TLE4: variants seen among roughly 807,000 people sequenced by gnomAD.
TLE4 encodes TLE family member 4, transcriptional corepressor, also known as transducin-like enhancer protein 4.
TLE4 carries 8 observed loss-of-function variants against 92.8 expected under a neutral mutation model. The ratio of observed to expected loss-of-function variants is 0.09; its 90% confidence interval spans 0.05 to 0.16. The LOEUF is 0.16. Ranked by LOEUF, TLE4 falls within the 10% of genes least tolerant of loss-of-function variation. TLE4 has a pLI of 1.00. For missense variants in TLE4, 675 were observed against 997.6 expected (o/e 0.68, Z 4.36); for synonymous variants, 371 against 374.1 (o/e 0.99, Z 0.10).
intron 16 of TLE4, 74 bp downstream of exon 16, chr9:79,720,367 T>C: frequency 6.6e-7 from 1 of 1,524,178 alleles, no homozygotes; most frequent in Middle Eastern, 2.4e-4. Context: ...GTGCTGTGTA[T>C]ATAGGTATGG....
intron 4 of TLE4, among the ~76,000 whole-genome samples, chr9:79,608,166 A>C (rs2047537345): frequency 2.0e-5 from 3 of 152,036 alleles, no homozygotes; most frequent in Non-Finnish European, 4.4e-5. Flanking sequence ...CACTTTTGTA[A>C]AATTGATTTT....
At chr9:79,656,319 G>A (rs2059775261) in intron 8 of TLE4, among the ~76,000 whole-genome samples, 2 of 152,170 alleles carry the variant, frequency 1.3e-5, no homozygotes, top group African/African-American at 4.8e-5. Flanking sequence ...GAGCGTGCCA[G>A]TTGCCTGCAG....
chr9:79,694,559 C>T (rs569273648), intron 8 of TLE4, among the ~76,000 whole-genome samples: 2 of 152,180 alleles, frequency 1.3e-5, no homozygotes, highest in African/African-American at 4.8e-5. Flanking sequence ...CATTTATTTT[C>T]ATTCCTCAGC....
At chr9:79,712,653 G>A (rs963743846) in intron 14 of TLE4, among the ~76,000 whole-genome samples, 1 of 152,164 alleles carries the variant, frequency 6.6e-6, no homozygotes, top group African/African-American at 2.4e-5. Flanking sequence ...TTAATAAAAT[G>A]GTGTTTATTG....
At chr9:79,667,007 CA>C (rs1460208245) in intron 8 of TLE4, among the ~76,000 whole-genome samples, 2 of 152,230 alleles carry the variant, frequency 1.3e-5, no homozygotes, top group African/African-American at 4.8e-5. Flanking sequence ...CTTTGGAGTT[CA>C]TTGCTTTAAC....
chr9:79,676,624 A>T (rs1174194348), intron 8 of TLE4, among the ~76,000 whole-genome samples: 1 of 152,110 alleles, frequency 6.6e-6, no homozygotes, highest in East Asian at 1.9e-4. Context: ...GTGGAAAGAG[A>T]GAAAAGCCAA....
intron 4 of TLE4, among the ~76,000 whole-genome samples, chr9:79,585,180 T>C (rs2040746761): frequency 6.6e-6 from 1 of 152,228 alleles, no homozygotes; most frequent in Non-Finnish European, 1.5e-5. Flanking sequence ...ATCATAACAG[T>C]AAGCAATTTT....
intron 6 of TLE4, among the ~76,000 whole-genome samples, chr9:79,629,009 A>T (rs574973069): frequency 6.6e-6 from 1 of 151,936 alleles, no homozygotes; most frequent in Non-Finnish European, 1.5e-5. Flanking sequence ...AGGGGTCAGA[A>T]GGGATAGAAC....
rs1285726117 is a variant in TLE4 at position 79,725,174 on chromosome 9, C to T, written c.*30C>T. ...AAATCTTCATGCAGACTGGACTTCT[C>T]CTCCTGGTAGCACTTTGCTCTGTCA... On this transcript the variant is annotated 3_prime_UTR_variant, in exon 20 of 20. Transcript: ENST00000376552. 3 of 1,520,792 alleles carry T rather than the reference C, an allele frequency of 2.0e-6. No individual in the cohort carries two copies. The highest frequency in any genetic ancestry group is 2.3e-5 in the East Asian group (1 of 44,320). 94.2% of individuals were successfully genotyped at this position (1,520,792 alleles called of 1,614,324 possible).
intron 8 of TLE4, among the ~76,000 whole-genome samples, chr9:79,671,980 C>A: frequency 7.8e-6 from 1 of 127,392 alleles, no homozygotes; most frequent in Non-Finnish European, 1.6e-5. Flanking sequence ...CTTTTTAGGC[C>A]ATTGAAACAA....
Position 79,711,699 on chromosome 9 carries a change from G to A in TLE4, c.1340+2000G>A, listed in dbSNP as rs144185359. ...GTTAAACCACTGTGGAATCACAGCT[G>A]CTCTGACTCAGATGGTGCTTCTGAG... On this transcript the variant is annotated intron_variant, in intron 14 of 19. Transcript: ENST00000376552. Among the ~76,000 whole-genome samples the A allele has an allele frequency of 3.2e-4, 48 of 152,314 alleles. 2 individuals carry two copies. The East Asian group carries it at 7.1e-3, about 23-fold the overall frequency.
chr9:79,623,733 T>A (rs1268178734), intron 5 of TLE4, among the ~76,000 whole-genome samples: 1 of 148,490 alleles, frequency 6.7e-6, no homozygotes, highest in Admixed American at 6.8e-5. Flanking sequence ...TTTTTTAAAA[T>A]TGTAAAGTAC....
chr9:79,692,330 A>G (rs2067248215), intron 8 of TLE4, among the ~76,000 whole-genome samples: 2 of 152,182 alleles, frequency 1.3e-5, no homozygotes, highest in African/African-American at 4.8e-5. Flanking sequence ...ACTGTGGAGA[A>G]GTGGAGTGGC....
intron 8 of TLE4, among the ~76,000 whole-genome samples, chr9:79,704,173 G>GC (rs1439091787): frequency 1.3e-4 from 20 of 152,142 alleles, no homozygotes; most frequent in Non-Finnish European, 2.4e-4. Flanking sequence ...GAATGCAGTG[G>GC]CGCCATCTTG....
chr9:79,701,196 T>C (rs2069756622), intron 8 of TLE4, among the ~76,000 whole-genome samples: 1 of 152,178 alleles, frequency 6.6e-6, no homozygotes, highest in Non-Finnish European at 1.5e-5. Context: ...AATTATGTTA[T>C]TAGAACATTG....
At position 79,585,173 on chromosome 9, in the gene TLE4, A is replaced by G. The variant is rs74419092; in HGVS notation, c.252+8996A>G. Among the ~76,000 whole-genome samples, 9 of 152,332 alleles carry G rather than the reference A, an allele frequency of 5.9e-5. No homozygotes were observed. In the Middle Eastern group the frequency reaches 0.01, roughly 173 times the overall value. ...TAACGTTGTTGAAAGAATAGTAATCATAACAGTAAGCAATTTTAGATTGCT... is the reference window on the plus strand; with the variant it reads ...TAACGTTGTTGAAAGAATAGTAATCGTAACAGTAAGCAATTTTAGATTGCT... On this transcript the variant is annotated intron_variant, in intron 4 of 19. Coordinates refer to ENST00000376552, the MANE Select transcript of TLE4 (RefSeq NM_007005.6).
chr9:79,713,392 A>G (rs758176613), intron 14 of TLE4, among the ~76,000 whole-genome samples: 4 of 152,192 alleles, frequency 2.6e-5, no homozygotes, highest in Non-Finnish European at 4.4e-5. Flanking sequence ...ATTTTCTTCA[A>G]CTGTCTCTTA....
chr9:79,700,081 T>G lies in TLE4; in HGVS notation c.610-4702T>G, dbSNP rs867283302. 7.2e-5 allele frequency among the ~76,000 whole-genome samples: 11 copies of G among 152,288 alleles called. 1 individual carries two copies. The Middle Eastern group carries it at 0.027, about 377-fold the overall frequency. Reference sequence around the variant, plus strand: ...CAGTGATAGGACTAAGTTGCACTGTTGAGGGGCTAGGCTATGTGCCTGGGA... The same window carrying G: ...CAGTGATAGGACTAAGTTGCACTGTGGAGGGGCTAGGCTATGTGCCTGGGA... On this transcript the variant is annotated intron_variant, in intron 8 of 19. Transcript: ENST00000376552.
chr9:79,605,680 C>T (rs1000920010), intron 4 of TLE4, among the ~76,000 whole-genome samples: 8 of 152,066 alleles, frequency 5.3e-5, no homozygotes, highest in African/African-American at 1.7e-4. Context: ...CCGTGATTCT[C>T]TTCAAGAAGG....
Sources: allele counts gnomAD v4.1 joint callset (sites outside exome capture counted in the v4.1 genomes callset), GRCh38; gene constraint gnomAD v4.1.1; transcripts MANE v1.5; gene names NCBI Gene and HGNC (gene_info 2026-07-23, HGNC 2026-07-21).